Variants in NECAB3 observed in about 807,000 individuals in gnomAD.
NECAB3 encodes N-terminal EF-hand calcium-binding protein 3.
A neutral mutation model predicts 57.2 loss-of-function variants in NECAB3; 38 were observed. That is an observed-to-expected ratio of 0.66 (90% CI 0.51 to 0.87). The LOEUF (loss-of-function observed/expected upper bound fraction) is 0.87, where lower values mean the gene tolerates loss of function less well. Among genes scored for constraint, NECAB3 ranks in the 40% least tolerant of loss-of-function variants. NECAB3 has a pLI of 0.00. For synonymous variants in NECAB3, 223 were observed against 222.6 expected, an observed-to-expected ratio of 1.00 and a Z score of -0.02; for missense variants, 474 against 527.5, an observed-to-expected ratio of 0.90 and a Z score of 0.99.
chr20:33,669,342 A>G (rs1276507526), intron 5 of NECAB3, 33 bp downstream of exon 5: 1 of 1,603,768 alleles, frequency 6.2e-7, no homozygotes, highest in African/African-American at 1.3e-5. Flanking sequence ...ACTGCCTCAC[A>G]GTGGATCCCC....
rs759590139 is a variant in NECAB3, at chr20:33,658,777, G to A, written c.937C>T (p.His313Tyr). The stretch of plus-strand genomic sequence containing the variant: ...TCCACATAGCAGCGCAGGGCTCGGT[G>A]GAAGTCCTGCAGGCCTTCCTCTGCC... ...QVAEEGLQDF[H>Y]RALRCYVDFT... The change falls in exon 9 of 12, where the codon CAC becomes TAC. Residue 313 changes from histidine (H) to tyrosine (Y), a missense_variant. Physicochemically the swap from His to Tyr is moderately conservative, Grantham distance 83. Coordinates refer to ENST00000246190, the MANE Select transcript of NECAB3 (RefSeq NM_031232.4). The A allele has an allele frequency of 4.3e-6, 7 of 1,613,496 alleles. No individual in the cohort carries two copies. In the South Asian group the frequency reaches 4.4e-5, roughly 10 times the overall value.
chr20:33,667,280 T>G, intron 5 of NECAB3: 1 of 501,050 alleles, frequency 2.0e-6, no homozygotes, highest in Non-Finnish European at 3.2e-6. Context: ...GGCTGCGAGC[T>G]GGCGGGCGGC....
intron 5 of NECAB3, chr20:33,667,737 C>G (rs1315290020): frequency 6.2e-7 from 1 of 1,612,438 alleles, no homozygotes; most frequent in Admixed American, 1.7e-5. Context: ...TCACACATCT[C>G]AAGAAGCGCA....
chr20:33,673,564 A>C (rs949187487), intron 1 of NECAB3, among the ~76,000 whole-genome samples: 1 of 151,712 alleles, frequency 6.6e-6, no homozygotes, highest in Admixed American at 6.6e-5. Context: ...CTTGGGAAGA[A>C]GGAGGGTCAG....
chr20:33,659,919 C>A lies in NECAB3; in HGVS notation c.609G>T (p.Arg203=). ...AGRRALRSVS[R]SSTWSPGSSD... is the part of the protein sequence containing the mutation. ...AAGAGCCGGGGGACCAGGTGGATGA[C>A]CGGCTGACACTCCTCAGGGCTCGGC... Residue 203 remains arginine, a synonymous_variant, in exon 7 of 12, where the codon CGG becomes CGT. Coordinates refer to ENST00000246190, the MANE Select transcript of NECAB3 (RefSeq NM_031232.4). 1.3e-6 allele frequency: 2 copies of A among 1,548,584 alleles called. No individual in the cohort carries two copies. Among genetic ancestry groups the A allele is most frequent in the South Asian group, 2.4e-5 (2 of 84,298 alleles).
chr20:33,659,558 G>A lies in NECAB3; in HGVS notation c.818C>T (p.Pro273Leu). The A allele has an allele frequency of 6.3e-7, 1 of 1,575,666 alleles. No individual in the cohort carries two copies. Among genetic ancestry groups the A allele is most frequent in the Non-Finnish European group, 8.6e-7 (1 of 1,157,858 alleles). ...GGGTTCCAGCCGGGGGGCCTGTGAG[G>A]GCACAGAGTGTGGGCCGGGCCTCCA... ...PCWRPGPHSV[P>L]SQAPRLEPLR... The change falls in exon 8 of 12, where the codon CCC becomes CTC. Residue 273 changes from proline to leucine, a missense_variant. Physicochemically the swap from Pro to Leu is moderately conservative, Grantham distance 98. Transcript: ENST00000246190.
At position 33,674,356 on chromosome 20, in the gene NECAB3, G is replaced by A. The variant is rs1164319115; in HGVS notation, c.-4C>T. The A allele has an allele frequency of 1.7e-6, 2 of 1,183,648 alleles. No homozygotes were observed. Among genetic ancestry groups the A allele is most frequent in the African/African-American group, 1.6e-5 (1 of 62,564 alleles). 73.3% of individuals were successfully genotyped at this position (1,183,648 alleles called of 1,614,324 possible). On this transcript the variant is annotated 5_prime_UTR_variant, in exon 1 of 12. Transcript: ENST00000246190. ...TGAGCAGCCCCGCGCACGCCATGGC[G>A]CCGCCACCCGCTCGGGCTCGGCTGC... is the stretch of plus-strand genomic sequence containing the variant.
chr20:33,667,631 T>G lies in NECAB3; in HGVS notation c.387+1744A>C, dbSNP rs2017707874. On this transcript the variant is annotated intron_variant, in intron 5 of 11. Transcript: ENST00000246190. Reference sequence around the variant, plus strand: ...TCGTGGCACCAGGCCACCTTCCGACTGAACGTGGCAGGCAGCACCCTGTCG... The same window carrying G: ...TCGTGGCACCAGGCCACCTTCCGACGGAACGTGGCAGGCAGCACCCTGTCG... The G allele has an allele frequency of 3.7e-6, 6 of 1,604,834 alleles. No homozygotes were observed. The East Asian group carries it at 1.4e-4, about 36-fold the overall frequency.
Position 33,669,382 on chromosome 20 carries a change from G to A in NECAB3, c.380C>T (p.Thr127Ile). 6.2e-7 allele frequency: 1 copy of A among 1,613,538 alleles called. No individual in the cohort carries two copies. Reference protein sequence around the residue: ...NRAVLAAMDATKLEYERASKV... With the variant: ...NRAVLAAMDAIKLEYERASKV... ...ATCAGCCACTCCACTCACCAGCTTG[G>A]TGGCATCCATGGCAGCGAGCACTGC... Residue 127 changes from threonine to isoleucine, a missense_variant, in exon 5 of 12, where the codon ACC becomes ATC. Physicochemically the swap from Thr to Ile is moderately conservative, Grantham distance 89. Coordinates refer to ENST00000246190, the MANE Select transcript of NECAB3 (RefSeq NM_031232.4).
At chr20:33,669,606 G>T (rs1163721836) in intron 4 of NECAB3, 81 bp downstream of exon 4, 11 of 1,542,412 alleles carry the variant, frequency 7.1e-6, no homozygotes, top group Admixed American at 2.0e-5. Flanking sequence ...GTCCCATCAG[G>T]AGACCAGCAA....
intron 3 of NECAB3, chr20:33,670,437 A>C: frequency 3.5e-5 from 14 of 400,292 alleles, no homozygotes; most frequent in Non-Finnish European, 4.5e-5. Flanking sequence ...GGAAGCGGGA[A>C]TGGGGAGCTG....
At chr20:33,663,469 G>A (rs2122482752) in intron 5 of NECAB3, 2 of 1,523,738 alleles carry the variant, frequency 1.3e-6, no homozygotes, top group East Asian at 5.0e-5. Context: ...GCGCGGAGCG[G>A]CCCCGGGTCG....
intron 9 of NECAB3, 53 bp downstream of exon 9, chr20:33,658,668 CT>C: frequency 6.3e-7 from 1 of 1,599,682 alleles, no homozygotes; most frequent in Non-Finnish European, 8.6e-7. Context: ...CCCAGCACCC[CT>C]CTCTGCTCAC....
chr20:33,660,003 C>G lies in NECAB3; in HGVS notation c.525G>C (p.Arg175=). The G allele has an allele frequency of 6.4e-7, 1 of 1,574,578 alleles. No homozygotes were observed. The highest frequency in any genetic ancestry group is 8.6e-7 in the Non-Finnish European group (1 of 1,162,356). The change falls in exon 7 of 12, where the codon CGG becomes CGC. Residue 175 remains arginine, a splice_region_variant and synonymous_variant. Coordinates refer to ENST00000246190, the MANE Select transcript of NECAB3 (RefSeq NM_031232.4). The surrounding 1 kb of genome is among the most constrained non-coding windows in gnomAD (Gnocchi z 4.1). ...GCGCCTCCACGCTCTCTGCATCTGA[C>G]CTAGAGGAAGTGAGGCTCACAGGGC... The part of the protein sequence containing the change: ...DTLEAQAHGW[R]SDAESVEAQS...
chr20:33,658,499 G>GCT lies in NECAB3; in HGVS notation c.1047_1048insAG (p.Gln350SerfsTer44), dbSNP rs1177935483. On this transcript the variant is annotated frameshift_variant, in exon 10 of 12. Coordinates refer to ENST00000246190, the MANE Select transcript of NECAB3 (RefSeq NM_031232.4). LOFTEE classifies it high-confidence loss of function. ...TACCTTCTCCAGGAGGCCTCATCCT[G>GCT]CCAGAACTCATACAGGGTGAAGGAG... 1.2e-6 allele frequency: 2 copies of GCT among 1,613,886 alleles called. No homozygotes were observed. The highest frequency in any genetic ancestry group is 4.5e-5 in the East Asian group (2 of 44,884).
chr20:33,660,179 C>T lies in NECAB3; in HGVS notation c.524+80G>A. The T allele has an allele frequency of 1.3e-6, 2 of 1,568,350 alleles. No homozygotes were observed. The highest frequency in any genetic ancestry group is 1.3e-5 in the African/African-American group (1 of 74,106). On this transcript the variant is annotated intron_variant, in intron 6 of 11. Transcript: ENST00000246190. The surrounding 1 kb of genome is among the most constrained non-coding windows in gnomAD (Gnocchi z 4.1). ...GCCCGAAAATGCAGGCTCCAGGATG[C>T]TGGGACTGTGGGGATTTGGAATGGG...
At chr20:33,673,023 T>C (rs1393456372) in intron 1 of NECAB3, among the ~76,000 whole-genome samples, 8 of 152,128 alleles carry the variant, frequency 5.3e-5, no homozygotes, top group Admixed American at 5.2e-4. Flanking sequence ...TGGGGCTGAC[T>C]CTGAGGACCT....
upstream of NECAB3, chr20:33,674,525 A>G: frequency 1.8e-6 from 1 of 561,900 alleles, no homozygotes; most frequent in Non-Finnish European, 2.3e-6. Context: ...GTCCAACTCC[A>G]GCGCCGCGGG....
Position 33,674,389 on chromosome 20 carries a change from GC to G in NECAB3, c.-38del. 8.7e-7 allele frequency: 1 copy of G among 1,148,206 alleles called. No homozygotes were observed. Among genetic ancestry groups the G allele is most frequent in the Non-Finnish European group, 1.1e-6 (1 of 934,564 alleles). 71.1% of individuals were successfully genotyped at this position (1,148,206 alleles called of 1,614,324 possible). A position where few individuals can be genotyped will look rare whatever the true frequency, so the allele number is the denominator to read the frequency against. ...CCGCTCGGGCTCGGCTGCGGTTGCT[GC>G]CGACCCTGGACGCCGCGGCGGACTC... On this transcript the variant is annotated 5_prime_UTR_variant, in exon 1 of 12. Coordinates refer to ENST00000246190, the MANE Select transcript of NECAB3 (RefSeq NM_031232.4).
Sources: allele counts gnomAD v4.1 joint callset (sites outside exome capture counted in the v4.1 genomes callset), GRCh38; gene constraint gnomAD v4.1.1; non-coding constraint Gnocchi (gnomAD v3.1); transcripts MANE v1.5; gene names NCBI Gene and HGNC (gene_info 2026-07-23, HGNC 2026-07-21).